The following DCAF7 variants were observed in gnomAD, a reference collection of about 807,000 sequenced individuals.
DCAF7 encodes DDB1- and CUL4-associated factor 7.
DCAF7 carries 4 observed loss-of-function variants against 41.2 expected under a neutral mutation model. That is an observed-to-expected ratio of 0.10 (90% confidence interval 0.05 to 0.22). DCAF7 has a LOEUF of 0.22. Among genes scored for constraint, DCAF7 ranks in the 10% least tolerant of loss-of-function variants. The probability of loss-of-function intolerance (pLI) is 1.00; values close to 1 mark genes in which losing one functional copy is unlikely to be tolerated. For synonymous variants in DCAF7, 143 were observed against 164.2 expected (o/e 0.87, Z 0.99); for missense variants, 131 against 443.2 (o/e 0.30, Z 6.32).
chr17:63,571,048 C>T (rs977176512), intron 1 of DCAF7, among the ~76,000 whole-genome samples: 5 of 151,676 alleles, frequency 3.3e-5, no homozygotes, highest in Admixed American at 2.0e-4. Context: ...TAGCCAGGTG[C>T]GATGGCGGGT....
chr17:63,585,609 G>A (rs191205388), intron 6 of DCAF7, among the ~76,000 whole-genome samples: 2 of 152,314 alleles, frequency 1.3e-5, no homozygotes, highest in East Asian at 3.9e-4. Context: ...GGATGGCACA[G>A]AGGACTCAAT....
At chr17:63,573,537 C>G (rs538665826) in intron 1 of DCAF7, among the ~76,000 whole-genome samples, 8 of 151,900 alleles carry the variant, frequency 5.3e-5, no homozygotes, top group Non-Finnish European at 8.8e-5. Flanking sequence ...GCAGCCTGAC[C>G]GACATGGTGA....
chr17:63,555,555 A>G (rs1598024582), intron 1 of DCAF7, among the ~76,000 whole-genome samples: 1 of 152,132 alleles, frequency 6.6e-6, no homozygotes, highest in African/African-American at 2.4e-5. Context: ...TTGCTCATTA[A>G]TTTAGCCGGT....
chr17:63,569,383 GAAAA>G (rs796123483), intron 1 of DCAF7, among the ~76,000 whole-genome samples: 1 of 123,684 alleles, frequency 8.1e-6, no homozygotes, highest in East Asian at 2.3e-4. Flanking sequence ...CTACTTTAAG[GAAAA>G]AAAAAAAAAA....
At chr17:63,571,084 G>T (rs929483907) in intron 1 of DCAF7, among the ~76,000 whole-genome samples, 5 of 152,066 alleles carry the variant, frequency 3.3e-5, no homozygotes, top group African/African-American at 1.2e-4. Context: ...TACTCAGGAG[G>T]CTGAGGCAAG....
chr17:63,588,394 A>G (rs2033700469), intron 6 of DCAF7, among the ~76,000 whole-genome samples: 1 of 146,750 alleles, frequency 6.8e-6, no homozygotes, highest in Middle Eastern at 3.2e-3. Flanking sequence ...ATGGGGTTTC[A>G]CCATGTTGTC....
At chr17:63,556,895 G>A (rs1465179761) in intron 1 of DCAF7, among the ~76,000 whole-genome samples, 1 of 152,102 alleles carries the variant, frequency 6.6e-6, no homozygotes, top group Non-Finnish European at 1.5e-5. Flanking sequence ...GGGAGTGGTA[G>A]CATGCACCTG....
intron 1 of DCAF7, among the ~76,000 whole-genome samples, chr17:63,556,238 C>T (rs1362098497): frequency 6.6e-6 from 1 of 152,230 alleles, no homozygotes; most frequent in Non-Finnish European, 1.5e-5. Context: ...TACATACACA[C>T]ATTCACCTTC....
intron 3 of DCAF7, 147 bp from the exon 4 acceptor site, chr17:63,579,678 C>A: frequency 1.4e-6 from 1 of 717,666 alleles, no homozygotes; most frequent in Non-Finnish European, 2.3e-6. Flanking sequence ...TTGACTGCCT[C>A]GGTGGCTCTG....
chr17:63,577,575 G>A (rs750266607), intron 1 of DCAF7, among the ~76,000 whole-genome samples: 3 of 152,126 alleles, frequency 2.0e-5, no homozygotes, highest in Admixed American at 6.6e-5. Flanking sequence ...CAATGGCGCC[G>A]ACTTTTTTTT....
At chr17:63,585,404 G>A in intron 6 of DCAF7, 76 bp downstream of exon 6, 1 of 1,323,244 alleles carries the variant, frequency 7.6e-7, no homozygotes, top group Non-Finnish European at 1.1e-6. Flanking sequence ...AATTGTAGTT[G>A]TTACTGTTTT....
At chr17:63,572,663 C>T (rs1306352902) in intron 1 of DCAF7, among the ~76,000 whole-genome samples, 2 of 152,208 alleles carry the variant, frequency 1.3e-5, no homozygotes, top group Non-Finnish European at 1.5e-5. Flanking sequence ...ATCCACAGCA[C>T]TTAAAACAGT....
At chr17:63,567,189 G>A (rs1446123800) in intron 1 of DCAF7, among the ~76,000 whole-genome samples, 2 of 152,198 alleles carry the variant, frequency 1.3e-5, no homozygotes, top group African/African-American at 2.4e-5. Flanking sequence ...AATAGCATCA[G>A]TAAGGATTTT....
chr17:63,584,687 GGGA>G (rs2033659301), intron 5 of DCAF7, among the ~76,000 whole-genome samples: 1 of 152,202 alleles, frequency 6.6e-6, no homozygotes, highest in Admixed American at 6.5e-5. Flanking sequence ...GCTTGAACCT[GGGA>G]AGCGGAGCTT....
chr17:63,564,235 C>T (rs2033417342), intron 1 of DCAF7, among the ~76,000 whole-genome samples: 1 of 151,862 alleles, frequency 6.6e-6, no homozygotes, highest in African/African-American at 2.4e-5. Context: ...AATCCTCTTA[C>T]AATCTAAAAG....
intron 1 of DCAF7, among the ~76,000 whole-genome samples, chr17:63,564,174 T>TAC (rs1158786570): frequency 1.6e-5 from 2 of 122,990 alleles, no homozygotes; most frequent in African/African-American, 2.8e-5. Context: ...TACACATATA[T>TAC]ACACACACAC....
Position 63,550,872 on chromosome 17 carries a change from C to A in DCAF7, c.138+57C>A. On this transcript the variant is annotated intron_variant, in intron 1 of 6. Coordinates refer to ENST00000614556, the MANE Select transcript of DCAF7 (RefSeq NM_005828.5). This position sits in a 1 kb window ranked among gnomAD's most constrained non-coding sequence, Gnocchi z 4.8. ...GCGGGGAGCGGGCCCCGGGAGCGCC[C>A]TTTCCGGGCCGGAGCCCAGGCCTCA... The A allele has an allele frequency of 6.3e-7, 1 of 1,577,422 alleles. No homozygotes were observed. The highest frequency in any genetic ancestry group is 2.3e-5 in the East Asian group (1 of 43,088).
chr17:63,568,378 C>T (rs568131959), intron 1 of DCAF7, among the ~76,000 whole-genome samples: 1 of 152,068 alleles, frequency 6.6e-6, no homozygotes, highest in Non-Finnish European at 1.5e-5. Flanking sequence ...GCATTTTATT[C>T]GGGGTACTAT....
Position 63,583,650 on chromosome 17 carries a change from G to A in DCAF7, c.677G>A (p.Arg226His), listed in dbSNP as rs762853328. The stretch of plus-strand genomic sequence containing the variant: ...GACCCACAGCATCACCCACTGCTTC[G>A]CCTCTGCTGGAACAAGCAGGACCCT... ...YEDPQHHPLLRLCWNKQDPNY... is the reference protein window; with the variant it reads ...YEDPQHHPLLHLCWNKQDPNY... Residue 226 changes from arginine (R) to histidine (H), a missense_variant, in exon 5 of 7, where the codon CGC (arginine) becomes CAC (histidine). Physicochemically the swap from Arg to His is conservative, Grantham distance 29. Coordinates refer to ENST00000614556, the MANE Select transcript of DCAF7 (RefSeq NM_005828.5). 3.7e-6 allele frequency: 6 copies of A among 1,612,886 alleles called. No homozygotes were observed. The highest frequency in any genetic ancestry group is 5.1e-6 in the Non-Finnish European group (6 of 1,179,256).
Sources: gnomAD v4.1 joint callset for allele counts (sites outside exome capture counted in the v4.1 genomes callset) on GRCh38, gnomAD v4.1.1 for gene constraint, Gnocchi (gnomAD v3.1) non-coding constraint, MANE v1.5 for transcripts, NCBI Gene and HGNC (gene_info 2026-07-23, HGNC 2026-07-21) for gene names.